DOCK1: variants seen among roughly 807,000 people sequenced by gnomAD.
DOCK1 encodes dedicator of cytokinesis 1, also known as dedicator of cytokinesis protein 1.
A neutral mutation model predicts 262.7 loss-of-function variants in DOCK1; 138 were observed. The observed-to-expected ratio is 0.53, with a 90% CI of 0.46 to 0.61. The LOEUF (loss-of-function observed/expected upper bound fraction) is 0.61, where lower values mean the gene tolerates loss of function less well. DOCK1 is among the 20% of genes least tolerant of loss of function. DOCK1 has a pLI of 0.00. For synonymous variants in DOCK1, 866 were observed against 867.4 expected, an observed-to-expected ratio of 1.00 and a Z score of 0.03; for missense variants, 1,908 against 2,370.7, an observed-to-expected ratio of 0.80 and a Z score of 4.05.
chr10:127,108,004 G>T (rs565273730), intron 24 of DOCK1, among the ~76,000 whole-genome samples: 1 of 152,228 alleles, frequency 6.6e-6, no homozygotes, highest in African/African-American at 2.4e-5. Context: ...TGGTTGAGCC[G>T]TGTGCTTGGA....
chr10:127,000,487 A>G (rs2040505646), intron 10 of DOCK1, 180 bp downstream of exon 10: 1 of 858,902 alleles, frequency 1.2e-6, no homozygotes, highest in Non-Finnish European at 1.7e-6. Flanking sequence ...TGCTAGGCTC[A>G]GGATGCTCTA....
At position 127,075,321 on chromosome 10, in the gene DOCK1, T is replaced by C. The variant is rs1369318130; in HGVS notation, c.2445+13545T>C. Among the ~76,000 whole-genome samples the C allele has an allele frequency of 2.0e-5, 3 of 152,056 alleles. No individual in the cohort carries two copies. The South Asian group carries it at 6.2e-4, about 32-fold the overall frequency. On this transcript the variant is annotated intron_variant, in intron 23 of 51. Transcript: ENST00000623213. Reference sequence around the variant, plus strand: ...CCGAGTCTCACTGTCACTTAGGCTGTAGTGCAGTGGTGCAATCTTGGCTCA... The same window carrying C: ...CCGAGTCTCACTGTCACTTAGGCTGCAGTGCAGTGGTGCAATCTTGGCTCA...
At chr10:127,381,243 C>G (rs1167428270) in intron 36 of DOCK1, 35 bp from the exon 37 acceptor site, 1 of 1,561,484 alleles carries the variant, frequency 6.4e-7, no homozygotes, top group South Asian at 1.2e-5. Context: ...TATTTAGTGA[C>G]ATTTTAAGAA....
chr10:127,184,015 A>G (rs1193063893), intron 27 of DOCK1, among the ~76,000 whole-genome samples: 2 of 152,168 alleles, frequency 1.3e-5, no homozygotes, highest in Non-Finnish European at 2.9e-5. Context: ...CTCTTTGTGC[A>G]TGAAAAACTT....
intron 23 of DOCK1, among the ~76,000 whole-genome samples, chr10:127,105,060 C>T (rs986835245): frequency 6.6e-6 from 1 of 152,096 alleles, no homozygotes; most frequent in Non-Finnish European, 1.5e-5. Context: ...TTTCCTGTGC[C>T]GTTCTCATGA....
chr10:126,961,847 C>G (rs1357088700), intron 1 of DOCK1, among the ~76,000 whole-genome samples: 3 of 152,164 alleles, frequency 2.0e-5, no homozygotes, highest in Non-Finnish European at 4.4e-5. Context: ...TTCTGGTTCT[C>G]TTGGGTAGGT....
intron 29 of DOCK1, among the ~76,000 whole-genome samples, chr10:127,265,245 T>G (rs1165408558): frequency 6.6e-6 from 1 of 152,236 alleles, no homozygotes; most frequent in Non-Finnish European, 1.5e-5. Flanking sequence ...AGATTGTCAG[T>G]CAAAAACTAT....
In DOCK1 at chr10:127,206,328, G is replaced by A. The variant is rs2057722284; in HGVS notation, c.2848-41680G>A. Among the ~76,000 whole-genome samples the A allele has an allele frequency of 5.3e-5, 8 of 152,022 alleles. No individual in the cohort carries two copies. The South Asian group carries it at 1.7e-3, about 32-fold the overall frequency. Reference sequence around the variant, plus strand: ...CCAGCTAATTTTTGTATTTTTAGTAGAGACAGGGTTTTGCCATGTTGGCCA... The same window carrying A: ...CCAGCTAATTTTTGTATTTTTAGTAAAGACAGGGTTTTGCCATGTTGGCCA... On this transcript the variant is annotated intron_variant, in intron 27 of 51. Coordinates refer to ENST00000623213, the MANE Select transcript of DOCK1 (RefSeq NM_001290223.2).
intron 32 of DOCK1, among the ~76,000 whole-genome samples, chr10:127,359,053 G>T (rs567136907): frequency 6.4e-4 from 97 of 152,172 alleles, no homozygotes; most frequent in Middle Eastern, 6.8e-3. Flanking sequence ...TACACTGCAG[G>T]AGTCACCTTG....
chr10:127,286,914 C>T (rs966149323), intron 29 of DOCK1, among the ~76,000 whole-genome samples: 48 of 148,036 alleles, frequency 3.2e-4, no homozygotes, highest in African/African-American at 1.0e-3. Flanking sequence ...CTTGCTCTGT[C>T]GCCCAGGCTG....
At chr10:127,307,362 C>T (rs1057216009) in intron 29 of DOCK1, among the ~76,000 whole-genome samples, 24 of 152,220 alleles carry the variant, frequency 1.6e-4, no homozygotes, top group Non-Finnish European at 3.5e-4. Flanking sequence ...GGACCATCCC[C>T]TCTTCCCCGC....
At chr10:127,385,545 T>C (rs1412186973) in intron 38 of DOCK1, among the ~76,000 whole-genome samples, 1 of 152,206 alleles carries the variant, frequency 6.6e-6, no homozygotes, top group Non-Finnish European at 1.5e-5. Context: ...CCTGTTTTAT[T>C]TTTCTTTTTT....
At chr10:127,114,024 T>C (rs777899677) in intron 25 of DOCK1, among the ~76,000 whole-genome samples, 1 of 152,206 alleles carries the variant, frequency 6.6e-6, no homozygotes, top group Non-Finnish European at 1.5e-5. Flanking sequence ...CACAGAGTAT[T>C]TCTTCCAAGA....
rs544534976 is a variant in DOCK1 at position 127,327,043 on chromosome 10, G to A, written c.3045-11963G>A. ...TCCAAACAGATGTGCTGTCATCCAG[G>A]CTCTCTTCTTGCATTTATAGAGCAT... On this transcript the variant is annotated intron_variant, in intron 29 of 51. Coordinates refer to ENST00000623213, the MANE Select transcript of DOCK1 (RefSeq NM_001290223.2). 5.9e-5 allele frequency among the ~76,000 whole-genome samples: 9 copies of A among 152,196 alleles called. 1 individual carries two copies. In the South Asian group the frequency reaches 6.2e-4, roughly 11 times the overall value.
chr10:127,066,290 G>A (rs1207903859), intron 23 of DOCK1, among the ~76,000 whole-genome samples: 1 of 152,102 alleles, frequency 6.6e-6, no homozygotes, highest in African/African-American at 2.4e-5. Context: ...GTGCTACTGT[G>A]ACTGTGGTTT....
At chr10:127,011,438 A>G (rs2041434593) in intron 11 of DOCK1, among the ~76,000 whole-genome samples, 1 of 152,214 alleles carries the variant, frequency 6.6e-6, no homozygotes, top group African/African-American at 2.4e-5. Context: ...GATGGATAGC[A>G]CTGTCCTTGT....
intron 1 of DOCK1, among the ~76,000 whole-genome samples, chr10:126,920,009 G>A (rs1429940354): frequency 6.6e-6 from 1 of 152,188 alleles, no homozygotes; most frequent in Non-Finnish European, 1.5e-5. Context: ...GGCTCAGCTC[G>A]AGAATGCAGT....
At chr10:126,968,967 A>G (rs2037886193) in intron 1 of DOCK1, among the ~76,000 whole-genome samples, 1 of 152,252 alleles carries the variant, frequency 6.6e-6, no homozygotes, top group African/African-American at 2.4e-5. Context: ...TCATAGGTCT[A>G]GCTTTTGATA....
chr10:126,987,205 A>G (rs946219167), intron 4 of DOCK1, among the ~76,000 whole-genome samples: 17 of 152,174 alleles, frequency 1.1e-4, no homozygotes, highest in African/African-American at 4.1e-4. Context: ...TTATGAATAT[A>G]CTTTCCTTTT....
Sources: allele counts gnomAD v4.1 joint callset (sites outside exome capture counted in the v4.1 genomes callset), GRCh38; gene constraint gnomAD v4.1.1; transcripts MANE v1.5; gene names NCBI Gene and HGNC (gene_info 2026-07-23, HGNC 2026-07-21).